Variants in GLIS3 observed in about 807,000 individuals in gnomAD.
GLIS3 encodes GLIS family zinc finger 3, also known as zinc finger protein GLIS3.
GLIS3 carries 53 observed loss-of-function variants against 78.6 expected under a neutral mutation model. That is an observed-to-expected ratio of 0.67 (90% CI 0.54 to 0.85). The LOEUF is 0.85. GLIS3 is among the 40% of genes least tolerant of loss of function. GLIS3 has a pLI of 0.00. For synonymous variants in GLIS3, 684 were observed against 509.9 expected (o/e 1.34, Z -4.60); for missense variants, 1,703 against 1,231.1 (o/e 1.38, Z -5.74).
intron 2 of GLIS3, among the ~76,000 whole-genome samples, chr9:4,240,954 A>AGTGTGT (rs3063675): frequency 6.6e-6 from 1 of 151,802 alleles, no homozygotes; most frequent in African/African-American, 2.4e-5. Context: ...AATATGTATG[A>AGTGTGT]GTGTGTGTGT....
At chr9:4,184,509 C>A (rs1277976712) in intron 2 of GLIS3, among the ~76,000 whole-genome samples, 1 of 152,168 alleles carries the variant, frequency 6.6e-6, no homozygotes, top group African/African-American at 2.4e-5. Flanking sequence ...GACTGAGGAG[C>A]GCCTAGTCCT....
intron 4 of GLIS3, among the ~76,000 whole-genome samples, chr9:3,984,819 T>G (rs951890546): frequency 1.3e-5 from 2 of 152,164 alleles, no homozygotes; most frequent in East Asian, 3.8e-4. Flanking sequence ...GATTGAATTG[T>G]GGGGGCGTGT....
intron 2 of GLIS3, among the ~76,000 whole-genome samples, chr9:4,210,993 G>T (rs1225545764): frequency 2.0e-5 from 3 of 152,132 alleles, no homozygotes; most frequent in East Asian, 3.8e-4. Flanking sequence ...TTTGGAATCT[G>T]TACCACACTC....
chr9:4,186,658 C>T (rs1243069059), intron 2 of GLIS3, among the ~76,000 whole-genome samples: 4 of 151,180 alleles, frequency 2.6e-5, no homozygotes, highest in Non-Finnish European at 5.9e-5. Context: ...TCTCCAGCAC[C>T]TGTTGTTTCC....
chr9:4,355,248 T>A, the GLIS3 span, among the ~76,000 whole-genome samples: 3 of 152,192 alleles, frequency 2.0e-5, no homozygotes, highest in Non-Finnish European at 4.4e-5. Flanking sequence ...AAGCAAACTC[T>A]GCCACTTGGC....
intron 4 of GLIS3, among the ~76,000 whole-genome samples, chr9:4,041,918 T>G (rs1824843752): frequency 6.6e-6 from 1 of 152,154 alleles, no homozygotes. Flanking sequence ...TGCCCAAACC[T>G]TGATATGACT....
At chr9:3,933,661 T>C (rs1825742540) in intron 5 of GLIS3, among the ~76,000 whole-genome samples, 1 of 152,188 alleles carries the variant, frequency 6.6e-6, no homozygotes, top group Admixed American at 6.5e-5. Flanking sequence ...AAACCATGTC[T>C]TGGGATTCTT....
chr9:3,994,822 C>T lies in GLIS3; in HGVS notation c.1711-57633G>A, dbSNP rs201878442. Among the ~76,000 whole-genome samples the T allele has an allele frequency of 6.6e-5, 10 of 152,218 alleles. No homozygotes were observed. The East Asian group carries it at 7.7e-4, about 12-fold the overall frequency. ...TCTGATGCAGCACATCTAAAAATGG[C>T]GGCTAAAGTGTTTAAAAGAATCTCT... On this transcript the variant is annotated intron_variant, in intron 4 of 10. Coordinates refer to ENST00000381971, the MANE Select transcript of GLIS3 (RefSeq NM_001042413.2).
intron 2 of GLIS3, among the ~76,000 whole-genome samples, chr9:4,252,171 G>C (rs4741929): frequency 0.8 from 121,778 of 152,056 alleles, 49,423 homozygotes; most frequent in East Asian, 0.99. Flanking sequence ...GGTTGGGGAA[G>C]TTCTCCTGGA....
At chr9:4,056,607 A>G (rs1826172852) in intron 4 of GLIS3, among the ~76,000 whole-genome samples, 1 of 152,170 alleles carries the variant, frequency 6.6e-6, no homozygotes, top group Non-Finnish European at 1.5e-5. Flanking sequence ...AAAAAAGCAA[A>G]GGGAAGAAAA....
chr9:4,215,317 G>A (rs1056903582), intron 2 of GLIS3, among the ~76,000 whole-genome samples: 1 of 122,458 alleles, frequency 8.2e-6, no homozygotes, highest in Non-Finnish European at 1.7e-5. Flanking sequence ...TGAGAGGAGT[G>A]TGTGTGCATA....
intron 2 of GLIS3, among the ~76,000 whole-genome samples, chr9:4,157,627 A>C (rs1037195233): frequency 2.6e-5 from 4 of 152,224 alleles, no homozygotes; most frequent in Non-Finnish European, 4.4e-5. Context: ...ATAACCTATA[A>C]ACCCTCAGTG....
intron 5 of GLIS3, among the ~76,000 whole-genome samples, chr9:3,935,573 A>G (rs185808384): frequency 7.2e-5 from 11 of 152,338 alleles, no homozygotes; most frequent in Admixed American, 7.2e-4. Flanking sequence ...ACAGATAACT[A>G]GCTGGAGTAG....
chr9:4,385,753 GAAA>G, the GLIS3 span, among the ~76,000 whole-genome samples: 5 of 10,404 alleles, frequency 4.8e-4, no homozygotes, highest in African/African-American at 1.9e-3. Flanking sequence ...AAGAAAGAAA[GAAA>G]GAAAGAAAGA....
chr9:4,184,168 T>C (rs1204637471), intron 2 of GLIS3, among the ~76,000 whole-genome samples: 1 of 152,186 alleles, frequency 6.6e-6, no homozygotes, highest in East Asian at 1.9e-4. Flanking sequence ...ATCAAGGGTA[T>C]AAGCAATTAC....
chr9:4,317,817 G>C (rs1209718100), intron 2 of GLIS3, among the ~76,000 whole-genome samples: 1 of 152,164 alleles, frequency 6.6e-6, no homozygotes, highest in Admixed American at 6.5e-5. Flanking sequence ...CATTGAGAGT[G>C]AATGAAGTAG....
At chr9:4,414,943 C>G in the GLIS3 span, among the ~76,000 whole-genome samples, 1 of 152,028 alleles carries the variant, frequency 6.6e-6, no homozygotes, top group Admixed American at 6.6e-5. Flanking sequence ...CCACCCTGCT[C>G]CTTAGCTTAA....
the GLIS3 span, among the ~76,000 whole-genome samples, chr9:4,441,956 T>C: frequency 1.3e-5 from 2 of 152,192 alleles, no homozygotes; most frequent in African/African-American, 4.8e-5. Flanking sequence ...CAAGGTAATG[T>C]TGGCTTTAGA....
chr9:4,009,941 G>C (rs551485880), intron 4 of GLIS3, among the ~76,000 whole-genome samples: 11 of 152,298 alleles, frequency 7.2e-5, no homozygotes, highest in African/African-American at 2.4e-4. Context: ...CTGCTCCCAA[G>C]TTTTCCTCTG....
Sources: allele counts gnomAD v4.1 joint callset (sites outside exome capture counted in the v4.1 genomes callset), GRCh38; gene constraint gnomAD v4.1.1; transcripts MANE v1.5; gene names NCBI Gene and HGNC (gene_info 2026-07-23, HGNC 2026-07-21).